The following ENOX2 variants were observed in gnomAD, a reference collection of about 807,000 sequenced individuals.
The protein encoded by ENOX2 is ecto-NOX disulfide-thiol exchanger 2, also known as APK1 antigen.
ENOX2 carries 36 observed loss-of-function variants against 45.0 expected under a neutral mutation model. The observed-to-expected ratio is 0.80, with a 90% CI of 0.61 to 1.06. The LOEUF is 1.06. ENOX2 is among the 50% of genes least tolerant of loss of function. The pLI, the probability that ENOX2 is intolerant of heterozygous loss-of-function variation, is 0.00. For synonymous variants in ENOX2, 174 were observed against 152.3 expected (o/e 1.14, Z -1.05); for missense variants, 423 against 462.5 (o/e 0.91, Z 0.78).
At chrX:130,682,359 C>T (rs1285329541) in intron 5 of ENOX2, among the ~76,000 whole-genome samples, 3 of 108,376 alleles carry the variant, frequency 2.8e-5, no homozygotes, top group Non-Finnish European at 3.8e-5. Flanking sequence ...CTGAGGTGGG[C>T]GGATCACGAG....
intron 9 of ENOX2, among the ~76,000 whole-genome samples, chrX:130,659,401 T>C (rs2036627890): frequency 8.9e-6 from 1 of 111,911 alleles, no homozygotes; most frequent in Admixed American, 9.5e-5. Context: ...CCCATGTGCT[T>C]CAGGGGCATT....
At chrX:130,708,559 C>G (rs752883465) in intron 3 of ENOX2, among the ~76,000 whole-genome samples, 21 of 112,270 alleles carry the variant, frequency 1.9e-4, no homozygotes, top group Non-Finnish European at 3.8e-4. Context: ...ACATTGCTAT[C>G]ATAGCCCTTA....
intron 2 of ENOX2, among the ~76,000 whole-genome samples, chrX:130,845,850 T>C (rs1049638980): frequency 2.7e-4 from 30 of 112,157 alleles, no homozygotes; most frequent in African/African-American, 9.1e-4. Context: ...AGTTAGTATA[T>C]CATGTAAAAG....
At chrX:130,819,026 A>C (rs183581950) in intron 2 of ENOX2, among the ~76,000 whole-genome samples, 363 of 112,438 alleles carry the variant, frequency 3.2e-3, no homozygotes, top group African/African-American at 0.011. Flanking sequence ...CAAATTTACA[A>C]GAATGAAAAC....
At chrX:130,803,973 C>A (rs1414152248) in intron 2 of ENOX2, among the ~76,000 whole-genome samples, 4 of 111,377 alleles carry the variant, frequency 3.6e-5, no homozygotes, top group Non-Finnish European at 7.5e-5. Flanking sequence ...TTCATATGGA[C>A]CCCAAACCTC....
chrX:130,830,213 G>T (rs2077795095), intron 2 of ENOX2, among the ~76,000 whole-genome samples: 1 of 111,418 alleles, frequency 9.0e-6, no homozygotes, highest in African/African-American at 3.3e-5. Flanking sequence ...CTTGAATGGG[G>T]AAAAATGCAC....
intron 2 of ENOX2, among the ~76,000 whole-genome samples, chrX:130,814,678 C>G (rs2077451475): frequency 8.9e-6 from 1 of 112,059 alleles, no homozygotes; most frequent in Non-Finnish European, 1.9e-5. Flanking sequence ...GGAAAACTAA[C>G]AAACAGAAAG....
intron 3 of ENOX2, among the ~76,000 whole-genome samples, chrX:130,752,238 T>C (rs998958117): frequency 9.2e-6 from 1 of 109,271 alleles, no homozygotes; most frequent in African/African-American, 3.3e-5. Flanking sequence ...TGCATGTGAC[T>C]CCCTCTTTTT....
chrX:130,692,055 C>T (rs1317712166), intron 4 of ENOX2, among the ~76,000 whole-genome samples: 1 of 113,131 alleles, frequency 8.8e-6, no homozygotes, highest in Admixed American at 9.3e-5. Flanking sequence ...CCAGGAGTTC[C>T]ATAGGCTACA....
chrX:130,866,867 T>C (rs2078500267), intron 2 of ENOX2, among the ~76,000 whole-genome samples: 1 of 110,625 alleles, frequency 9.0e-6, no homozygotes, highest in Admixed American at 9.8e-5. Context: ...CCATTTTTTT[T>C]TTAGTAGTCT....
intron 3 of ENOX2, among the ~76,000 whole-genome samples, chrX:130,732,734 T>C (rs1267501320): frequency 9.3e-6 from 1 of 107,516 alleles, no homozygotes; most frequent in Non-Finnish European, 1.9e-5. Flanking sequence ...ACACGTACAG[T>C]TAATTGATCT....
chrX:130,770,219 C>T (rs1252545022), intron 3 of ENOX2, among the ~76,000 whole-genome samples: 1 of 112,098 alleles, frequency 8.9e-6, no homozygotes, highest in Non-Finnish European at 1.9e-5. Context: ...TGGAGCCTGT[C>T]TAGAAAACAG....
intron 2 of ENOX2, among the ~76,000 whole-genome samples, chrX:130,795,616 A>G (rs1028095212): frequency 7.2e-5 from 8 of 111,818 alleles, no homozygotes; most frequent in African/African-American, 2.6e-4. Flanking sequence ...TTTTTCCTCA[A>G]GAAGACAACA....
intron 10 of ENOX2, among the ~76,000 whole-genome samples, chrX:130,638,181 G>A (rs1359282082): frequency 7.4e-5 from 8 of 107,783 alleles, no homozygotes; most frequent in African/African-American, 2.7e-4. Context: ...CAATTCTCCC[G>A]CCTCAGCCTC....
chrX:130,645,932 T>C (rs1569479564), intron 10 of ENOX2: 2 of 700,772 alleles, frequency 2.9e-6, no homozygotes, highest in Admixed American at 2.2e-5. Flanking sequence ...ATAGCAGTCG[T>C]CCCAGCAATC....
At chrX:130,758,726 G>C (rs1347978679) in intron 3 of ENOX2, among the ~76,000 whole-genome samples, 4 of 111,558 alleles carry the variant, frequency 3.6e-5, no homozygotes, top group Non-Finnish European at 7.5e-5. Flanking sequence ...ATCCTGGCCA[G>C]AATTTGGTGC....
intron 3 of ENOX2, among the ~76,000 whole-genome samples, chrX:130,759,671 G>A (rs1192971301): frequency 9.6e-6 from 1 of 104,368 alleles, no homozygotes; most frequent in Non-Finnish European, 1.9e-5. Flanking sequence ...ATCTGTATCT[G>A]TCCACAAGCA....
intron 3 of ENOX2, among the ~76,000 whole-genome samples, chrX:130,708,307 G>T (rs750867437): frequency 3.6e-5 from 4 of 111,538 alleles, no homozygotes; most frequent in African/African-American, 1.3e-4. Context: ...CCCAGCCCTC[G>T]GGGGGTTCAA....
chrX:130,748,097 G>A (rs1569496506), intron 3 of ENOX2, among the ~76,000 whole-genome samples: 4 of 112,075 alleles, frequency 3.6e-5, no homozygotes, highest in African/African-American at 9.7e-5. Context: ...TACATATTAA[G>A]TACACTGCAA....
Sources: allele counts gnomAD v4.1 joint callset (sites outside exome capture counted in the v4.1 genomes callset), GRCh38; gene constraint gnomAD v4.1.1; transcripts MANE v1.5; gene names NCBI Gene and HGNC (gene_info 2026-07-23, HGNC 2026-07-21).